Variants in DCC observed in about 807,000 individuals in gnomAD.
DCC encodes netrin receptor DCC.
A neutral mutation model predicts 172.5 loss-of-function variants in DCC; 58 were observed. The observed-to-expected ratio is 0.34, with a 90% CI of 0.27 to 0.42. The LOEUF (loss-of-function observed/expected upper bound fraction) is 0.42. Ranked by LOEUF, DCC falls within the 10% of genes least tolerant of loss-of-function variation. DCC has a pLI of 1.00. For missense variants in DCC, 1,740 were observed against 1,791.0 expected (o/e 0.97, Z 0.51); for synonymous variants, 709 against 644.5 (o/e 1.10, Z -1.52).
chr18:53,530,847 A>G lies in DCC; in HGVS notation c.*194A>G. On this transcript the variant is annotated 3_prime_UTR_variant, in exon 29 of 29. Coordinates refer to ENST00000442544, the MANE Select transcript of DCC (RefSeq NM_005215.4). ...TCTTTCACAGGCATCAGGAATTGTC[A>G]AATGATGATTATGAGTTCCCTAAAC... 1.5e-6 allele frequency: 1 copy of G among 647,564 alleles called. No homozygotes were observed. The highest frequency in any genetic ancestry group is 2.8e-6 in the Non-Finnish European group (1 of 358,082). 40.1% of individuals were successfully genotyped at this position (647,564 alleles called of 1,614,324 possible).
rs1321698325 is a variant in DCC, at chr18:52,752,441, G to A, written c.412+67G>A. ...CTTCTTCTTATTCATTTTTGGGGAT[G>A]AGAAAATAATTTTTGTAGAAATAAT... On this transcript the variant is annotated intron_variant, in intron 2 of 28. Coordinates refer to ENST00000442544, the MANE Select transcript of DCC (RefSeq NM_005215.4). 11 of 1,246,238 alleles carry A rather than the reference G, an allele frequency of 8.8e-6. No individual in the cohort carries two copies. In the Admixed American group the frequency reaches 1.0e-4, roughly 12 times the overall value. 77.2% of individuals were successfully genotyped at this position (1,246,238 alleles called of 1,614,324 possible).
chr18:52,631,130 C>A (rs891422992), intron 1 of DCC, among the ~76,000 whole-genome samples: 12 of 152,172 alleles, frequency 7.9e-5, no homozygotes, highest in Non-Finnish European at 1.3e-4. Context: ...GAGCATTATA[C>A]TTTTTCTAAT....
chr18:52,859,294 G>A (rs1299178462), intron 2 of DCC, among the ~76,000 whole-genome samples: 1 of 152,072 alleles, frequency 6.6e-6, no homozygotes, highest in Non-Finnish European at 1.5e-5. Flanking sequence ...AGAGGCCAGG[G>A]GAAGACTTTC....
chr18:52,953,447 C>A lies in DCC; in HGVS notation c.985+28077C>A, dbSNP rs185597082. Among the ~76,000 whole-genome samples, 9 of 152,312 alleles carry A rather than the reference C, an allele frequency of 5.9e-5. No individual in the cohort carries two copies. In the East Asian group the frequency reaches 1.7e-3, roughly 29 times the overall value. On this transcript the variant is annotated intron_variant, in intron 5 of 28. Coordinates refer to ENST00000442544, the MANE Select transcript of DCC (RefSeq NM_005215.4). ...CACAGGATATATTGGGTGATTCCTG[C>A]TGAGTTCAACCTGTATCTGCCTGAT...
At chr18:52,777,721 A>G (rs1310426345) in intron 2 of DCC, among the ~76,000 whole-genome samples, 3 of 152,146 alleles carry the variant, frequency 2.0e-5, no homozygotes, top group Non-Finnish European at 4.4e-5. Flanking sequence ...CCTAAAGAGT[A>G]TCTAGTCCAG....
intron 7 of DCC, among the ~76,000 whole-genome samples, chr18:53,156,784 C>A (rs570004079): frequency 6.6e-6 from 1 of 152,084 alleles, no homozygotes; most frequent in Non-Finnish European, 1.5e-5. Flanking sequence ...AATTGTAATA[C>A]CGTCTTTTAC....
intron 8 of DCC, among the ~76,000 whole-genome samples, chr18:53,174,081 T>G (rs1327132408): frequency 3.2e-5 from 4 of 124,948 alleles, no homozygotes; most frequent in Non-Finnish European, 6.6e-5. Context: ...GAATGACTAC[T>G]GGGTACATAA....
At position 53,179,025 on chromosome 18, in the gene DCC, A is replaced by G; in HGVS notation, c.1482A>G (p.Pro494=). 1.9e-6 allele frequency: 3 copies of G among 1,614,128 alleles called. No individual in the cohort carries two copies. In the South Asian group the frequency reaches 3.3e-5, roughly 18 times the overall value. The change falls in exon 9 of 29, where the codon CCA becomes CCG. Residue 494 remains proline (P), a synonymous_variant. Coordinates refer to ENST00000442544, the MANE Select transcript of DCC (RefSeq NM_005215.4). ...SLQLTVGNLK[P]EAMYTFRVVA... The stretch of plus-strand genomic sequence containing the variant: ...AGCTCACTGTGGGAAACCTGAAGCC[A>G]GAAGCCATGTACACCTTTCGAGTTG...
At chr18:53,437,859 C>T (rs910037167) in intron 22 of DCC, among the ~76,000 whole-genome samples, 1 of 152,108 alleles carries the variant, frequency 6.6e-6, no homozygotes, top group Admixed American at 6.5e-5. Context: ...GAGCTATGGG[C>T]GCAAACTGAA....
chr18:53,377,084 C>T (rs539555359), intron 15 of DCC, among the ~76,000 whole-genome samples: 81 of 152,120 alleles, frequency 5.3e-4, no homozygotes, highest in Non-Finnish European at 1.1e-3. Context: ...AAATCTTCTT[C>T]AACTCACATC....
intron 5 of DCC, among the ~76,000 whole-genome samples, chr18:53,033,089 A>T (rs2042046685): frequency 6.6e-6 from 1 of 152,272 alleles, no homozygotes; most frequent in Middle Eastern, 3.4e-3. Flanking sequence ...AAGACTCCTA[A>T]ACAGGGTAAA....
chr18:53,295,057 C>A (rs1290258536), intron 12 of DCC, among the ~76,000 whole-genome samples: 1 of 152,036 alleles, frequency 6.6e-6, no homozygotes, highest in African/African-American at 2.4e-5. Context: ...TATTTAAAAT[C>A]AAATATTACC....
intron 26 of DCC, among the ~76,000 whole-genome samples, chr18:53,492,516 C>A (rs1010958905): frequency 1.3e-5 from 2 of 152,164 alleles, no homozygotes; most frequent in African/African-American, 2.4e-5. Context: ...TTTCAGCCTT[C>A]TGCATATGGC....
chr18:52,346,468 G>C (rs1435524794), intron 1 of DCC, among the ~76,000 whole-genome samples: 1 of 152,146 alleles, frequency 6.6e-6, no homozygotes, highest in Non-Finnish European at 1.5e-5. Flanking sequence ...TTAGCCTGAG[G>C]TTTAACAACT....
chr18:52,651,559 T>C (rs1415586688), intron 1 of DCC, among the ~76,000 whole-genome samples: 2 of 151,990 alleles, frequency 1.3e-5, no homozygotes, highest in African/African-American at 2.4e-5. Flanking sequence ...TTCTTAAATG[T>C]ATGTGTTTGA....
At chr18:52,355,841 A>G (rs1278664994) in intron 1 of DCC, among the ~76,000 whole-genome samples, 1 of 152,174 alleles carries the variant, frequency 6.6e-6, no homozygotes, top group African/African-American at 2.4e-5. Context: ...ATGATCAGAA[A>G]TTCTTCCAGA....
intron 7 of DCC, among the ~76,000 whole-genome samples, chr18:53,077,230 T>C (rs1301187920): frequency 6.6e-6 from 1 of 152,066 alleles, no homozygotes; most frequent in Non-Finnish European, 1.5e-5. Flanking sequence ...TAGTCCTACC[T>C]TGAGCCATTT....
At position 52,670,819 on chromosome 18, in the gene DCC, A is replaced by C. The variant is rs888616181; in HGVS notation, c.92-81235A>C. ...TGCGCCACTGCACTCCAGCCTGGGC[A>C]AAAGGAGCAAAACTCCATCTCAAAA... is the stretch of plus-strand genomic sequence containing the variant. On this transcript the variant is annotated intron_variant, in intron 1 of 28. Coordinates refer to ENST00000442544, the MANE Select transcript of DCC (RefSeq NM_005215.4). 2.0e-5 allele frequency among the ~76,000 whole-genome samples: 3 copies of C among 152,014 alleles called. No individual in the cohort carries two copies. In the South Asian group the frequency reaches 6.2e-4, roughly 32 times the overall value.
chr18:52,588,202 C>T (rs1487879691), intron 1 of DCC, among the ~76,000 whole-genome samples: 2 of 152,256 alleles, frequency 1.3e-5, no homozygotes, highest in South Asian at 4.1e-4. Context: ...TCCTAGAGGC[C>T]TCCTCTGTGA....
Sources: allele counts gnomAD v4.1 joint callset (sites outside exome capture counted in the v4.1 genomes callset), GRCh38; gene constraint gnomAD v4.1.1; transcripts MANE v1.5; gene names NCBI Gene and HGNC (gene_info 2026-07-23, HGNC 2026-07-21).